The following KDM6A variants were observed in gnomAD, a reference collection of about 807,000 sequenced individuals.
The protein encoded by KDM6A is lysine demethylase 6A, also known as lysine-specific demethylase 6A.
KDM6A carries 11 observed loss-of-function variants against 117.6 expected under a neutral mutation model. The ratio of observed to expected loss-of-function variants is 0.09; its 90% CI spans 0.06 to 0.15. The LOEUF (loss-of-function observed/expected upper bound fraction) is 0.15, where lower values mean the gene tolerates loss of function less well. Ranked by LOEUF, KDM6A falls within the 10% of genes least tolerant of loss-of-function variation. KDM6A has a pLI of 1.00. For synonymous variants in KDM6A, 384 were observed against 396.1 expected, an observed-to-expected ratio of 0.97 and a Z score of 0.36; for missense variants, 799 against 1,077.3, an observed-to-expected ratio of 0.74 and a Z score of 3.62.
intron 4 of KDM6A, among the ~76,000 whole-genome samples, chrX:44,991,381 CATA>C (rs1278999481): frequency 1.8e-5 from 2 of 108,323 alleles, no homozygotes; most frequent in Non-Finnish European, 3.8e-5. Flanking sequence ...TAATTTACTC[CATA>C]ATGCCTCCTA....
intron 4 of KDM6A, 77 bp from the exon 5 acceptor site, chrX:45,010,884 C>A: frequency 2.7e-6 from 2 of 737,767 alleles, no homozygotes; most frequent in Non-Finnish European, 4.1e-6. Context: ...ATCTTGGATA[C>A]CGTATTTTAC....
chrX:44,956,325 T>C (rs2038320468), intron 2 of KDM6A, among the ~76,000 whole-genome samples: 1 of 111,787 alleles, frequency 8.9e-6, no homozygotes, highest in Non-Finnish European at 1.9e-5. Flanking sequence ...ATGTATAATA[T>C]AATTTATTAA....
At chrX:44,973,106 A>C (rs981285053) in intron 3 of KDM6A, among the ~76,000 whole-genome samples, 1 of 111,379 alleles carries the variant, frequency 9.0e-6, no homozygotes, top group Admixed American at 9.5e-5. Context: ...ATTTTGTAGA[A>C]TATAGAGGGG....
chrX:44,975,630 A>G (rs1317808100), intron 4 of KDM6A, among the ~76,000 whole-genome samples: 1 of 111,977 alleles, frequency 8.9e-6, no homozygotes. Context: ...CTTTATTCAC[A>G]TGCTGTAATT....
intron 27 of KDM6A, among the ~76,000 whole-genome samples, chrX:45,101,815 A>G (rs1304316705): frequency 2.7e-5 from 3 of 111,909 alleles, no homozygotes; most frequent in African/African-American, 6.5e-5. Flanking sequence ...ACAGTTTAGG[A>G]ATTTGACATG....
intron 10 of KDM6A, among the ~76,000 whole-genome samples, chrX:45,058,576 G>C (rs1352888337): frequency 9.0e-6 from 1 of 110,722 alleles, no homozygotes; most frequent in Non-Finnish European, 1.9e-5. Context: ...ATTGAAATCT[G>C]ATACAGCAAA....
At chrX:44,879,686 G>T (rs2032059807) in intron 2 of KDM6A, among the ~76,000 whole-genome samples, 1 of 111,875 alleles carries the variant, frequency 8.9e-6, no homozygotes, top group Non-Finnish European at 1.9e-5. Flanking sequence ...ACTAACACAG[G>T]ACCATCTTTG....
At chrX:44,992,433 A>G (rs763647085) in intron 4 of KDM6A, among the ~76,000 whole-genome samples, 1 of 109,181 alleles carries the variant, frequency 9.2e-6, no homozygotes, top group Admixed American at 9.8e-5. Flanking sequence ...CATGTTGGTC[A>G]GGCTGGTCCC....
intron 3 of KDM6A, among the ~76,000 whole-genome samples, chrX:44,963,499 C>CTGTCTGTCTG (rs796328734): frequency 2.5e-5 from 2 of 81,132 alleles, no homozygotes; most frequent in African/African-American, 5.8e-5. Flanking sequence ...GTCTGTCTGT[C>CTGTCTGTCTG]TCTGTCTGTC....
chrX:44,950,957 T>G (rs2037964704), intron 2 of KDM6A, among the ~76,000 whole-genome samples: 1 of 110,378 alleles, frequency 9.1e-6, no homozygotes, highest in Non-Finnish European at 1.9e-5. Flanking sequence ...GGACTAACTT[T>G]CTACCTCATT....
intron 27 of KDM6A, among the ~76,000 whole-genome samples, chrX:45,105,454 A>G (rs1438723736): frequency 1.3e-4 from 14 of 111,214 alleles, no homozygotes; most frequent in Non-Finnish European, 2.5e-4. Context: ...AAGTCTTCCA[A>G]TGGTATCTAC....
At chrX:45,038,849 T>A (rs1024527390) in intron 8 of KDM6A, among the ~76,000 whole-genome samples, 1 of 111,400 alleles carries the variant, frequency 9.0e-6, no homozygotes, top group South Asian at 3.8e-4. Flanking sequence ...CAAAATTAGG[T>A]CATCATAGTT....
At chrX:45,002,430 A>G (rs190693562) in intron 4 of KDM6A, among the ~76,000 whole-genome samples, 42 of 112,300 alleles carry the variant, frequency 3.7e-4, no homozygotes, top group African/African-American at 1.4e-3. Flanking sequence ...ACTGGATGAT[A>G]CCTCTTTAAC....
Position 45,111,688 on chromosome X carries a change from C to A in KDM6A, c.*277C>A. 3.4e-6 allele frequency: 1 copy of A among 291,264 alleles called. No individual in the cohort carries two copies. The highest frequency in any genetic ancestry group is 4.8e-5 in the East Asian group (1 of 20,656). 24.0% of individuals were successfully genotyped at this position (291,264 alleles called of 1,213,427 possible). A position where few individuals can be genotyped will look rare whatever the true frequency, so the allele number is the denominator to read the frequency against. On this transcript the variant is annotated 3_prime_UTR_variant, in exon 30 of 30. Transcript: ENST00000611820. ...CTGGCAACATCTTACAGACTACTGA[C>A]TTGAAGACAACCTCTTTTATATTTC...
chrX:44,921,250 C>T (rs745718568), intron 2 of KDM6A, among the ~76,000 whole-genome samples: 33 of 111,843 alleles, frequency 3.0e-4, no homozygotes, highest in Non-Finnish European at 4.5e-4. Flanking sequence ...AAGAAATGGA[C>T]GGGGAGGTCT....
intron 2 of KDM6A, among the ~76,000 whole-genome samples, chrX:44,903,622 T>C (rs1317805151): frequency 9.0e-6 from 1 of 111,308 alleles, no homozygotes; most frequent in Non-Finnish European, 1.9e-5. Context: ...AATTTTTCTT[T>C]CTTATTTTCT....
At chrX:45,023,785 C>T (rs1187532845) in intron 6 of KDM6A, among the ~76,000 whole-genome samples, 1 of 110,579 alleles carries the variant, frequency 9.0e-6, no homozygotes, top group Non-Finnish European at 1.9e-5. Flanking sequence ...TCTTTTATCC[C>T]GCACCCCCTT....
chrX:45,042,793 G>GAAGAAGTTTCCCCACTTCTCTACATGGA, intron 8 of KDM6A, among the ~76,000 whole-genome samples: 1 of 110,971 alleles, frequency 9.0e-6, no homozygotes, highest in Non-Finnish European at 1.9e-5. Flanking sequence ...CTCTACATGG[G>GAAGAAGTTTCCCCACTTCTCTACATGGA]AAGAAGTCTT....
intron 2 of KDM6A, among the ~76,000 whole-genome samples, chrX:44,886,843 G>T (rs1490940340): frequency 9.1e-6 from 1 of 109,762 alleles, no homozygotes; most frequent in Non-Finnish European, 1.9e-5. Context: ...TTTCTTCTTG[G>T]TTTTTATTAT....
Sources: gnomAD v4.1 joint callset for allele counts (sites outside exome capture counted in the v4.1 genomes callset) on GRCh38, gnomAD v4.1.1 for gene constraint, MANE v1.5 for transcripts, NCBI Gene and HGNC (gene_info 2026-07-23, HGNC 2026-07-21) for gene names.